The following AFM variants were observed in gnomAD, a reference collection of about 807,000 sequenced individuals.
AFM encodes the protein alpha-Alb.
AFM carries 82 observed loss-of-function variants against 68.7 expected under a neutral mutation model. That is an observed-to-expected ratio of 1.19 (90% CI 1.00 to 1.43). The LOEUF (loss-of-function observed/expected upper bound fraction) is 1.43, where lower values mean the gene tolerates loss of function less well. Among genes scored for constraint, AFM ranks in the 40% most tolerant of loss-of-function variants. The probability of loss-of-function intolerance (pLI) is 0.00; values close to 1 mark genes in which losing one functional copy is unlikely to be tolerated. For synonymous variants in AFM, 250 were observed against 234.2 expected (o/e 1.07, Z -0.61); for missense variants, 772 against 701.8 (o/e 1.10, Z -1.13).
At chr4:73,484,451 T>C (rs1720813032) in intron 3 of AFM, 61 bp downstream of exon 3, 2 of 332,526 alleles carry the variant, frequency 6.0e-6, no homozygotes, top group South Asian at 7.4e-5. Context: ...TCTTTCTTTC[T>C]TTCTTTCTTT....
Position 73,484,482 on chromosome 4 carries a change from CTTT to C in AFM, c.270+93_270+95del, listed in dbSNP as rs1720822103. 15 of 677,096 alleles carry C rather than the reference CTTT, an allele frequency of 2.2e-5. No individual in the cohort carries two copies. In the South Asian group the frequency reaches 5.5e-4, roughly 25 times the overall value. The allele number at this position is 677,096 out of a possible 1,614,324, so 41.9% of individuals were successfully genotyped here. On this transcript the variant is annotated intron_variant, in intron 3 of 14. Transcript: ENST00000226355. ...TCTTTCTTTCTTTCTTTCTTTCTTT[CTTT>C]CTTTCTTTCTTTCTTTCTTTCATTC... is the stretch of plus-strand genomic sequence containing the variant.
Position 73,503,128 on chromosome 4 carries a change from A to G in AFM, c.*40+18A>G. ...CACCAAAGGTAATACCCTCTGCCTCATTCAAATGTCAAATGTATTTGTGGC... is the reference window on the plus strand; with the variant it reads ...CACCAAAGGTAATACCCTCTGCCTCGTTCAAATGTCAAATGTATTTGTGGC... On this transcript the variant is annotated intron_variant, in intron 14 of 14. Transcript: ENST00000226355. 6.4e-7 allele frequency: 1 copy of G among 1,562,050 alleles called. No homozygotes were observed. Among genetic ancestry groups the G allele is most frequent in the Non-Finnish European group, 8.8e-7 (1 of 1,134,958 alleles).
Position 73,484,238 on chromosome 4 carries a change from C to A in AFM, c.138-20C>A, listed in dbSNP as rs779796111. The A allele has an allele frequency of 1.3e-5, 21 of 1,597,856 alleles. No individual in the cohort carries two copies. The South Asian group carries it at 2.3e-4, about 17-fold the overall frequency. On this transcript the variant is annotated intron_variant, in intron 2 of 14. Coordinates refer to ENST00000226355, the MANE Select transcript of AFM (RefSeq NM_001133.2). ...AAACTCTGCAACTGATCTTTGTATA[C>A]CCCATGTGAACTGTTGCAGCACCAT...
Position 73,497,714 on chromosome 4 carries a change from T to C in AFM, c.1254T>C (p.His418=), listed in dbSNP as rs1327027346. Residue 418 remains histidine, a synonymous_variant, in exon 10 of 15, where the codon CAT becomes CAC. Coordinates refer to ENST00000226355, the MANE Select transcript of AFM (RefSeq NM_001133.2). ...SLKMVQQECK[H]FQNLGKDGLK... The stretch of plus-strand genomic sequence containing the variant: ...AGATGGTACAACAAGAATGTAAACA[T>C]TTCCAGAATTTGGGGAAGGATGGTT... 1 of 1,609,946 alleles carries C rather than the reference T, an allele frequency of 6.2e-7. No individual in the cohort carries two copies. The highest frequency in any genetic ancestry group is 1.1e-5 in the South Asian group (1 of 90,622).
intron 3 of AFM, 68 bp downstream of exon 3, chr4:73,484,458 CTTTCTTTCTTTCTT>C: frequency 2.2e-6 from 1 of 462,144 alleles, no homozygotes. Flanking sequence ...TTCTTTCTTT[CTTTCTTTCTTTCTT>C]TCTTTCTTTC....
rs1356572406 is a variant in AFM, at chr4:73,487,839, T to A, written c.713+18T>A. 5 of 1,492,136 alleles carry A rather than the reference T, an allele frequency of 3.4e-6. No homozygotes were observed. Among genetic ancestry groups the A allele is most frequent in the Non-Finnish European group, 4.7e-6 (5 of 1,072,482 alleles). The allele number at this position is 1,492,136 out of a possible 1,614,324, so 92.4% of individuals were successfully genotyped here. ...CACTTTATGTGAGTTTTATACTATA[T>A]GTCTTGTCTCTGCTTGCATTTCCTT... On this transcript the variant is annotated intron_variant, in intron 6 of 14. Coordinates refer to ENST00000226355, the MANE Select transcript of AFM (RefSeq NM_001133.2).
At chr4:73,493,682 C>A (rs1721165013) in intron 8 of AFM, among the ~76,000 whole-genome samples, 1 of 152,152 alleles carries the variant, frequency 6.6e-6, no homozygotes, top group Non-Finnish European at 1.5e-5. Flanking sequence ...TACCCGAAGT[C>A]ACACATGTGG....
rs777617182 is a variant in AFM at position 73,484,365 on chromosome 4, C to T, written c.245C>T (p.Thr82Met). The T allele has an allele frequency of 2.3e-5, 37 of 1,610,660 alleles. No individual in the cohort carries two copies. Among genetic ancestry groups the T allele is most frequent in the Middle Eastern group, 1.6e-4 (1 of 6,074 alleles). Residue 82 changes from threonine to methionine, a missense_variant, in exon 3 of 15, where the codon ACG becomes ATG. Coordinates refer to ENST00000226355, the MANE Select transcript of AFM (RefSeq NM_001133.2). Reference protein sequence around the residue: ...EYKDRCMADKTLPECSKLPNN... With the variant: ...EYKDRCMADKMLPECSKLPNN... ...AAAGACAGATGTATGGCTGACAAGA[C>T]GCTCCCAGAGTGTTCAAAATTACCT...
chr4:73,500,565 C>T (rs985923114), intron 12 of AFM, among the ~76,000 whole-genome samples: 12 of 152,210 alleles, frequency 7.9e-5, no homozygotes, highest in Admixed American at 7.9e-4. Context: ...TTAGTGTTTA[C>T]AAAGGAGAGG....
rs781206411 is a variant in AFM, at chr4:73,501,881, T to C, written c.1741T>C (p.Cys581Arg). ...TTTCGCAAATGTAGTGGATAAGTGC[T>C]GCAAAGCAGAGAGTCCTGAAGTCTG... is the stretch of plus-strand genomic sequence containing the variant. Reference protein sequence around the residue: ...TNFANVVDKCCKAESPEVCFN... With the variant: ...TNFANVVDKCRKAESPEVCFN... Residue 581 changes from cysteine (C) to arginine (R), a missense_variant, in exon 13 of 15, where the codon TGC becomes CGC. Coordinates refer to ENST00000226355, the MANE Select transcript of AFM (RefSeq NM_001133.2). 6.2e-7 allele frequency: 1 copy of C among 1,613,456 alleles called. No individual in the cohort carries two copies. Among genetic ancestry groups the C allele is most frequent in the African/African-American group, 1.3e-5 (1 of 74,926 alleles).
At position 73,501,249 on chromosome 4, in the gene AFM, A is replaced by G. The variant is rs562108043; in HGVS notation, c.1647-538A>G. Among the ~76,000 whole-genome samples the G allele has an allele frequency of 2.7e-3, 412 of 152,126 alleles. 2 individuals are homozygous for G. Among genetic ancestry groups the G allele is most frequent in the African/African-American group, 9.7e-3 (402 of 41,524 alleles). On this transcript the variant is annotated intron_variant, in intron 12 of 14. Transcript: ENST00000226355. ...TTTTTTTAATTGCTCCTTTGACATCATTTTTAATTGACATATAATAGTTGT... is the reference window on the plus strand; with the variant it reads ...TTTTTTTAATTGCTCCTTTGACATCGTTTTTAATTGACATATAATAGTTGT...
chr4:73,486,872 C>T, intron 4 of AFM, 95 bp from the exon 5 acceptor site: 10 of 1,211,090 alleles, frequency 8.3e-6, no homozygotes, highest in East Asian at 4.8e-5. Flanking sequence ...CCCATCTTAC[C>T]CTCCCTTCCC....
intron 6 of AFM, 119 bp from the exon 7 acceptor site, chr4:73,488,511 A>G (rs1035554517): frequency 3.6e-6 from 3 of 834,206 alleles, no homozygotes; most frequent in Non-Finnish European, 3.6e-6. Flanking sequence ...TATAAAAACA[A>G]CAACAACAGC....
At chr4:73,498,226 T>A (rs932015623) in intron 10 of AFM, among the ~76,000 whole-genome samples, 4 of 152,026 alleles carry the variant, frequency 2.6e-5, no homozygotes, top group African/African-American at 9.7e-5. Context: ...ATATGCAGTT[T>A]GGGTTTTTTT....
intron 8 of AFM, among the ~76,000 whole-genome samples, chr4:73,492,581 T>C (rs1387620193): frequency 6.6e-6 from 1 of 151,814 alleles, no homozygotes; most frequent in African/African-American, 2.4e-5. Flanking sequence ...GGGACTATAT[T>C]TGAGTTCTGG....
intron 8 of AFM, among the ~76,000 whole-genome samples, chr4:73,492,897 T>TA (rs529829802): frequency 1.1e-3 from 169 of 151,982 alleles, no homozygotes; most frequent in Middle Eastern, 6.8e-3. Context: ...TTGTTTTTTT[T>TA]ATCTCCTGGA....
intron 13 of AFM, 150 bp from the exon 14 acceptor site, chr4:73,502,900 T>C: frequency 1.3e-6 from 1 of 770,042 alleles, no homozygotes; most frequent in Non-Finnish European, 2.1e-6. Flanking sequence ...GTCTATTTTT[T>C]CACTAGAAGA....
At chr4:73,500,386 A>AT (rs397993993) in intron 12 of AFM, among the ~76,000 whole-genome samples, 159 bp downstream of exon 12, 55,122 of 149,854 alleles carry the variant, frequency 0.37, 10,916 homozygotes, top group African/African-American at 0.53. Flanking sequence ...ACAAGTGCAT[A>AT]TTTTTTTTTT....
At chr4:73,500,746 A>G (rs926358119) in intron 12 of AFM, among the ~76,000 whole-genome samples, 5 of 152,200 alleles carry the variant, frequency 3.3e-5, no homozygotes, top group African/African-American at 1.2e-4. Context: ...AATTTTCTGG[A>G]AAGATCAGAC....
Sources: gnomAD v4.1 joint callset for allele counts (sites outside exome capture counted in the v4.1 genomes callset) on GRCh38, gnomAD v4.1.1 for gene constraint, MANE v1.5 for transcripts, NCBI Gene and HGNC (gene_info 2026-07-23, HGNC 2026-07-21) for gene names.